Variants in UBE4B observed in about 807,000 individuals in gnomAD.
UBE4B encodes ubiquitination factor E4B.
A neutral mutation model predicts 148.1 loss-of-function variants in UBE4B; 27 were observed. That is an observed-to-expected ratio of 0.18 (90% CI 0.13 to 0.25). UBE4B has a LOEUF of 0.25. UBE4B is among the 10% of genes least tolerant of loss of function. UBE4B has a pLI of 1.00. For missense variants in UBE4B, 1,170 were observed against 1,662.4 expected (o/e 0.70, Z 5.15); for synonymous variants, 596 against 619.3 (o/e 0.96, Z 0.56).
intron 2 of UBE4B, 101 bp from the exon 3 acceptor site, chr1:10,095,360 A>T: frequency 7.0e-7 from 1 of 1,437,350 alleles, no homozygotes; most frequent in Admixed American, 2.2e-5. Flanking sequence ...CTGCAATGTC[A>T]TGATGGGTGA....
At chr1:10,060,659 T>C (rs1290787747) in intron 1 of UBE4B, among the ~76,000 whole-genome samples, 1 of 152,164 alleles carries the variant, frequency 6.6e-6, no homozygotes, top group Non-Finnish European at 1.5e-5. Context: ...CTCCTAAGTG[T>C]GGTCATCAGA....
intron 21 of UBE4B, among the ~76,000 whole-genome samples, chr1:10,153,568 C>T (rs1168649668): frequency 6.7e-6 from 1 of 150,284 alleles, no homozygotes; most frequent in East Asian, 2.0e-4. Flanking sequence ...CACTTGTAAT[C>T]CCAGCACTTT....
chr1:10,173,792 C>G (rs569723992), intron 25 of UBE4B, among the ~76,000 whole-genome samples: 1 of 152,118 alleles, frequency 6.6e-6, no homozygotes, highest in African/African-American at 2.4e-5. Context: ...ACATCACAGG[C>G]GCTTAACGTA....
At chr1:10,044,344 C>T (rs781232042) in intron 1 of UBE4B, among the ~76,000 whole-genome samples, 4 of 152,170 alleles carry the variant, frequency 2.6e-5, no homozygotes, top group Middle Eastern at 3.4e-3. Flanking sequence ...TGGGAGCCAC[C>T]GCGCCTGGCC....
intron 11 of UBE4B, chr1:10,128,231 G>A (rs1447280422): frequency 6.6e-6 from 1 of 152,156 alleles, no homozygotes; most frequent in African/African-American, 2.4e-5. Context: ...GTTTCAGTGA[G>A]GAGCTTTTAG....
At chr1:10,139,582 T>G (rs1218184337) in intron 17 of UBE4B, among the ~76,000 whole-genome samples, 1 of 152,212 alleles carries the variant, frequency 6.6e-6, no homozygotes, top group East Asian at 1.9e-4. Flanking sequence ...AGTTAATATA[T>G]ATAAGACTAT....
chr1:10,049,744 G>A (rs1215395286), intron 1 of UBE4B, among the ~76,000 whole-genome samples: 1 of 152,006 alleles, frequency 6.6e-6, no homozygotes, highest in Non-Finnish European at 1.5e-5. Flanking sequence ...GTCCAAAATG[G>A]CTGGGTGTGG....
At chr1:10,100,996 TTTTCC>T (rs2101884783) in intron 3 of UBE4B, 107 bp from the exon 4 acceptor site, 1 of 883,930 alleles carries the variant, frequency 1.1e-6, no homozygotes, top group South Asian at 1.7e-5. Context: ...ACCATTATCA[TTTTCC>T]TTTCCTGATT....
intron 1 of UBE4B, among the ~76,000 whole-genome samples, chr1:10,052,816 C>T (rs1644077895): frequency 6.6e-6 from 1 of 152,114 alleles, no homozygotes; most frequent in Non-Finnish European, 1.5e-5. Context: ...GTGGCTTGTA[C>T]ACAGCAGCAA....
intron 15 of UBE4B, among the ~76,000 whole-genome samples, chr1:10,133,409 T>TA (rs1164371511): frequency 2.0e-5 from 3 of 152,322 alleles, no homozygotes; most frequent in African/African-American, 7.2e-5. Context: ...ATAAAGCTGT[T>TA]AGAGTGGTGC....
At chr1:10,136,210 C>T (rs1645680443) in intron 16 of UBE4B, among the ~76,000 whole-genome samples, 2 of 152,066 alleles carry the variant, frequency 1.3e-5, no homozygotes, top group Admixed American at 1.3e-4. Flanking sequence ...TGGTGGCTCA[C>T]ATCCATAATC....
At chr1:10,165,647 C>G (rs1646235570) in intron 23 of UBE4B, among the ~76,000 whole-genome samples, 1 of 152,164 alleles carries the variant, frequency 6.6e-6, no homozygotes, top group Non-Finnish European at 1.5e-5. Context: ...AGACTCACCT[C>G]CTGGCCCTTC....
chr1:10,047,064 C>A (rs1438153502), intron 1 of UBE4B, among the ~76,000 whole-genome samples: 2 of 152,154 alleles, frequency 1.3e-5, no homozygotes, highest in African/African-American at 4.8e-5. Flanking sequence ...TTATTGTGAT[C>A]TCTGAGGGTT....
At chr1:10,119,332 A>G (rs1013379968) in intron 8 of UBE4B, among the ~76,000 whole-genome samples, 181 bp from the exon 9 acceptor site, 1 of 152,320 alleles carries the variant, frequency 6.6e-6, no homozygotes, top group East Asian at 1.9e-4. Context: ...CTTCTCTGAC[A>G]TCAGTTTCTG....
chr1:10,036,285 A>G (rs371256585), intron 1 of UBE4B, among the ~76,000 whole-genome samples: 1 of 152,100 alleles, frequency 6.6e-6, no homozygotes, highest in Non-Finnish European at 1.5e-5. Context: ...TGAGGAACAC[A>G]TGTAACCTTT....
chr1:10,135,139 G>T lies in UBE4B; in HGVS notation c.2177G>T (p.Arg726Leu). 2 of 1,613,902 alleles carry T rather than the reference G, an allele frequency of 1.2e-6. No homozygotes were observed. Among genetic ancestry groups the T allele is most frequent in the Non-Finnish European group, 8.5e-7 (1 of 1,179,962 alleles). The change falls in exon 16 of 28, where the codon CGT (arginine) becomes CTT (leucine). Residue 726 changes from arginine (R) to leucine (L), a missense_variant. By Grantham distance (102) the Arg-to-Leu change is moderately radical (BLOSUM62 -2). Transcript: ENST00000343090. ...CRITLPNDET[R>L]VNATMEDVND... ...ATTACTCTTCCCAATGATGAGACGC[G>T]TGTGAATGCAACGATGGAAGATGTG...
chr1:10,098,290 C>A (rs888096044), intron 3 of UBE4B, among the ~76,000 whole-genome samples: 1 of 152,094 alleles, frequency 6.6e-6, no homozygotes, highest in African/African-American at 2.4e-5. Flanking sequence ...TACCATATTG[C>A]ATGTTAAAAA....
At chr1:10,068,691 G>T (rs1362649717) in intron 1 of UBE4B, among the ~76,000 whole-genome samples, 1 of 152,166 alleles carries the variant, frequency 6.6e-6, no homozygotes, top group Non-Finnish European at 1.5e-5. Flanking sequence ...TCTCCATGTT[G>T]CCCAGGCTGG....
chr1:10,114,851 G>A (rs1046394597), intron 7 of UBE4B, among the ~76,000 whole-genome samples: 7 of 151,998 alleles, frequency 4.6e-5, no homozygotes, highest in African/African-American at 1.2e-4. Context: ...ATGACAGAGC[G>A]AGACTCCATC....
Sources: allele counts gnomAD v4.1 joint callset (sites outside exome capture counted in the v4.1 genomes callset), GRCh38; gene constraint gnomAD v4.1.1; transcripts MANE v1.5; gene names NCBI Gene and HGNC (gene_info 2026-07-23, HGNC 2026-07-21).